Variants in ADAM23 observed in about 807,000 individuals in gnomAD.
ADAM23 encodes the protein ADAM metallopeptidase domain 23.
In ADAM23, 33 loss-of-function variants were observed where a neutral mutation model predicts 120.1. The observed-to-expected ratio is 0.27, with a 90% CI of 0.21 to 0.37. The LOEUF (loss-of-function observed/expected upper bound fraction) is 0.37. Among genes scored for constraint, ADAM23 ranks in the 10% least tolerant of loss-of-function variants. The probability of loss-of-function intolerance (pLI) is 1.00; values close to 1 mark genes in which losing one functional copy is unlikely to be tolerated. For synonymous variants in ADAM23, 367 were observed against 375.2 expected, an observed-to-expected ratio of 0.98 and a Z score of 0.25; for missense variants, 862 against 1,058.2, an observed-to-expected ratio of 0.81 and a Z score of 2.57.
chr2:206,583,199 A>G (rs1698252421), intron 18 of ADAM23, among the ~76,000 whole-genome samples: 1 of 152,212 alleles, frequency 6.6e-6, no homozygotes, highest in East Asian at 1.9e-4. Flanking sequence ...TCATGCTTGT[A>G]ATCCCAGCAC....
chr2:206,468,859 G>C (rs989967351), intron 2 of ADAM23, among the ~76,000 whole-genome samples: 1 of 152,210 alleles, frequency 6.6e-6, no homozygotes, highest in African/African-American at 2.4e-5. Flanking sequence ...GACAGCATCT[G>C]CTTCTGGGGA....
At chr2:206,586,664 C>A (rs1208693292) in intron 18 of ADAM23, among the ~76,000 whole-genome samples, 1 of 151,960 alleles carries the variant, frequency 6.6e-6, no homozygotes, top group African/African-American at 2.4e-5. Context: ...TGATCTTTTT[C>A]CATTCTCTTA....
intron 3 of ADAM23, among the ~76,000 whole-genome samples, chr2:206,513,446 TCC>T: frequency 6.6e-6 from 1 of 152,230 alleles, no homozygotes; most frequent in Non-Finnish European, 1.5e-5. Context: ...AGAGCATATC[TCC>T]CCTCAATTTT....
chr2:206,463,288 AAGG>A (rs761947364), intron 2 of ADAM23, among the ~76,000 whole-genome samples: 10 of 152,246 alleles, frequency 6.6e-5, no homozygotes, highest in South Asian at 6.2e-4. Flanking sequence ...AGTCAGAGAG[AAGG>A]AGATGTAATG....
chr2:206,602,717 A>G (rs1211314106), intron 24 of ADAM23, among the ~76,000 whole-genome samples: 2 of 152,228 alleles, frequency 1.3e-5, no homozygotes, highest in African/African-American at 2.4e-5. Flanking sequence ...TGTCTGAAGC[A>G]TGACATGTCT....
At chr2:206,537,394 C>A (rs757865387) in intron 4 of ADAM23, among the ~76,000 whole-genome samples, 2 of 152,020 alleles carry the variant, frequency 1.3e-5, no homozygotes, top group Middle Eastern at 3.4e-3. Flanking sequence ...TGGAGGAGTG[C>A]GTGTTCTGAA....
At chr2:206,484,841 G>A (rs1574491566) in intron 3 of ADAM23, among the ~76,000 whole-genome samples, 1 of 152,276 alleles carries the variant, frequency 6.6e-6, no homozygotes, top group African/African-American at 2.4e-5. Flanking sequence ...AATCATGGGG[G>A]CGGGTTTTTC....
chr2:206,565,723 C>T (rs1374743402), intron 14 of ADAM23, among the ~76,000 whole-genome samples: 1 of 152,172 alleles, frequency 6.6e-6, no homozygotes, highest in Non-Finnish European at 1.5e-5. Flanking sequence ...AAGCCATAAC[C>T]CACTCCTAGT....
intron 18 of ADAM23, among the ~76,000 whole-genome samples, chr2:206,577,002 A>G (rs566829016): frequency 2.7e-4 from 41 of 152,320 alleles, no homozygotes; most frequent in African/African-American, 9.6e-4. Context: ...CATCCTGTAT[A>G]GCATAATGTA....
At chr2:206,486,635 G>T (rs937398711) in intron 3 of ADAM23, among the ~76,000 whole-genome samples, 3 of 151,982 alleles carry the variant, frequency 2.0e-5, no homozygotes, top group Admixed American at 6.6e-5. Flanking sequence ...TTGATCTTGG[G>T]CAAGCTTCTT....
intron 3 of ADAM23, among the ~76,000 whole-genome samples, chr2:206,495,447 T>A (rs1696223455): frequency 6.6e-6 from 1 of 152,068 alleles, no homozygotes; most frequent in Non-Finnish European, 1.5e-5. Context: ...GACAAGCAAA[T>A]GCTGAGAGAT....
chr2:206,562,338 C>T, intron 13 of ADAM23, 45 bp downstream of exon 13: 1 of 1,378,396 alleles, frequency 7.3e-7, no homozygotes, highest in South Asian at 1.2e-5. Flanking sequence ...GCCATTCTGT[C>T]TGTATAATGC....
intron 18 of ADAM23, among the ~76,000 whole-genome samples, chr2:206,575,477 C>T (rs1327701866): frequency 6.6e-6 from 1 of 152,098 alleles, no homozygotes; most frequent in East Asian, 1.9e-4. Context: ...TAGAAGTGAA[C>T]ATCTTTGTGC....
At chr2:206,454,752 C>G (rs1236660199) in intron 2 of ADAM23, among the ~76,000 whole-genome samples, 1 of 152,214 alleles carries the variant, frequency 6.6e-6, no homozygotes, top group African/African-American at 2.4e-5. Flanking sequence ...AGGCTCCATG[C>G]AAGTCCGAAA....
intron 2 of ADAM23, among the ~76,000 whole-genome samples, chr2:206,450,192 C>G (rs1456979074): frequency 2.0e-5 from 3 of 152,032 alleles, no homozygotes; most frequent in Non-Finnish European, 4.4e-5. Flanking sequence ...TTTTTATGAC[C>G]TTTATTATAA....
chr2:206,589,290 C>A, intron 20 of ADAM23, 119 bp from the exon 21 acceptor site: 2 of 735,252 alleles, frequency 2.7e-6, no homozygotes, highest in South Asian at 2.6e-5. Context: ...TGCTACAAAT[C>A]AGGATGTTCT....
chr2:206,497,646 T>C (rs1490902602), intron 3 of ADAM23, among the ~76,000 whole-genome samples: 1 of 152,164 alleles, frequency 6.6e-6, no homozygotes, highest in East Asian at 1.9e-4. Flanking sequence ...TGGGAAGTTC[T>C]GACCAGGGCA....
chr2:206,583,026 T>A (rs1028965698), intron 18 of ADAM23, among the ~76,000 whole-genome samples: 1 of 152,220 alleles, frequency 6.6e-6, no homozygotes, highest in African/African-American at 2.4e-5. Context: ...GATGACAATG[T>A]GCCTAGGTGA....
rs140717622 is a variant in ADAM23, at chr2:206,545,430, G to A, written c.721-1999G>A. On this transcript the variant is annotated intron_variant, in intron 6 of 25. Coordinates refer to ENST00000264377, the MANE Select transcript of ADAM23 (RefSeq NM_003812.4). The stretch of plus-strand genomic sequence containing the variant: ...GAACCTGGGAGGCAGAGGTTACAGC[G>A]AGCCAAGATTGCACCTTTGCACTCC... Among the ~76,000 whole-genome samples the A allele has an allele frequency of 3.1e-3, 479 of 152,208 alleles. 7 individuals carry two copies. The highest frequency in any genetic ancestry group is 0.011 in the African/African-American group (452 of 41,512).
Sources: allele counts gnomAD v4.1 joint callset (sites outside exome capture counted in the v4.1 genomes callset), GRCh38; gene constraint gnomAD v4.1.1; transcripts MANE v1.5; gene names NCBI Gene and HGNC (gene_info 2026-07-23, HGNC 2026-07-21).